Variants in AUTS2 observed in about 807,000 individuals in gnomAD.
The protein encoded by AUTS2 is activator of transcription and developmental regulator AUTS2.
AUTS2 carries 17 observed loss-of-function variants against 112.4 expected under a neutral mutation model. The observed-to-expected ratio is 0.15, with a 90% CI of 0.10 to 0.23. The LOEUF is 0.23. Ranked by LOEUF, AUTS2 falls within the 10% of genes least tolerant of loss-of-function variation. The pLI is 1.00. For missense variants in AUTS2, 1,510 were observed against 1,701.6 expected (o/e 0.89, Z 1.98); for synonymous variants, 751 against 702.7 (o/e 1.07, Z -1.09).
intron 5 of AUTS2, among the ~76,000 whole-genome samples, chr7:70,664,880 G>C (rs1178153174): frequency 1.3e-5 from 2 of 152,088 alleles, no homozygotes; most frequent in Non-Finnish European, 2.9e-5. Flanking sequence ...AGGCCAGCCT[G>C]GGCAACATAG....
intron 6 of AUTS2, among the ~76,000 whole-genome samples, chr7:70,738,625 C>T (rs778201728): frequency 7.9e-5 from 12 of 152,016 alleles, no homozygotes; most frequent in Non-Finnish European, 1.5e-4. Context: ...TGCCAAGGCC[C>T]ATACTGCTGG....
At chr7:70,786,152 A>G (rs1030157237) in intron 17 of AUTS2, 114 bp downstream of exon 17, 21 of 872,046 alleles carry the variant, frequency 2.4e-5, no homozygotes, top group Non-Finnish European at 3.7e-5. Context: ...GGACCAGTGT[A>G]GGTTATATCA....
chr7:70,749,758 C>T (rs1420932066), intron 6 of AUTS2, among the ~76,000 whole-genome samples: 2 of 152,184 alleles, frequency 1.3e-5, no homozygotes, highest in African/African-American at 4.8e-5. Context: ...GGAGTACAAA[C>T]AGGCATGTCT....
chr7:70,724,334 A>G (rs1786881742), intron 6 of AUTS2, among the ~76,000 whole-genome samples: 1 of 152,150 alleles, frequency 6.6e-6, no homozygotes, highest in Non-Finnish European at 1.5e-5. Context: ...TACAAAACTA[A>G]TATTATAACT....
At chr7:70,523,206 G>A (rs1231073810) in intron 5 of AUTS2, among the ~76,000 whole-genome samples, 1 of 152,184 alleles carries the variant, frequency 6.6e-6, no homozygotes, top group Non-Finnish European at 1.5e-5. Context: ...AGTTCTGTGT[G>A]GGGCTAAGGT....
chr7:70,739,672 A>G (rs1205238291), intron 6 of AUTS2, among the ~76,000 whole-genome samples: 1 of 152,008 alleles, frequency 6.6e-6, no homozygotes, highest in Admixed American at 6.5e-5. Context: ...TGTGATCTGT[A>G]CTCAGCCATT....
chr7:69,753,101 T>C (rs1344210986), intron 1 of AUTS2, among the ~76,000 whole-genome samples: 1 of 152,208 alleles, frequency 6.6e-6, no homozygotes, highest in East Asian at 1.9e-4. Context: ...TCAGTTTTTA[T>C]AATTATAAAA....
Position 70,110,758 on chromosome 7 carries a change from A to G in AUTS2, c.523-7374A>G, listed in dbSNP as rs113228578. 1.6e-3 allele frequency among the ~76,000 whole-genome samples: 243 copies of G among 152,242 alleles called. 6 individuals carry two copies. The highest frequency in any genetic ancestry group is 5.5e-3 in the African/African-American group (228 of 41,556). The stretch of plus-strand genomic sequence containing the variant: ...ACTTTCCAAAGTCCAAACATATCCA[A>G]AAATCCTGTTTCTTACTTTGCATTA... On this transcript the variant is annotated intron_variant, in intron 2 of 18. Coordinates refer to ENST00000342771, the MANE Select transcript of AUTS2 (RefSeq NM_015570.4).
At chr7:69,868,692 T>G (rs1793347628) in intron 1 of AUTS2, among the ~76,000 whole-genome samples, 1 of 152,210 alleles carries the variant, frequency 6.6e-6, no homozygotes, top group African/African-American at 2.4e-5. Flanking sequence ...GAGAGAACAG[T>G]GATGATTTGT....
chr7:69,937,681 T>C (rs1302944578), intron 2 of AUTS2, among the ~76,000 whole-genome samples: 1 of 152,146 alleles, frequency 6.6e-6, no homozygotes, highest in Admixed American at 6.5e-5. Context: ...TAGGCTTCTT[T>C]TTATTATTAT....
intron 4 of AUTS2, among the ~76,000 whole-genome samples, chr7:70,413,161 G>T (rs1205306653): frequency 6.6e-6 from 1 of 152,202 alleles, no homozygotes; most frequent in African/African-American, 2.4e-5. Flanking sequence ...GTTCCCAGCA[G>T]TGGTTCCAAT....
chr7:70,611,905 T>C (rs1804111578), intron 5 of AUTS2, among the ~76,000 whole-genome samples: 1 of 152,244 alleles, frequency 6.6e-6, no homozygotes, highest in Non-Finnish European at 1.5e-5. Flanking sequence ...AGTGATGTGC[T>C]GAGAGTCGTA....
intron 4 of AUTS2, among the ~76,000 whole-genome samples, chr7:70,318,497 G>A (rs1002466461): frequency 3.3e-5 from 5 of 152,042 alleles, no homozygotes; most frequent in South Asian, 2.1e-4. Flanking sequence ...GTTTTAAAAC[G>A]ATGAGCTTGA....
intron 2 of AUTS2, among the ~76,000 whole-genome samples, chr7:70,069,658 T>C (rs1334563058): frequency 1.3e-5 from 2 of 152,118 alleles, no homozygotes; most frequent in South Asian, 4.1e-4. Context: ...ATCACATTTT[T>C]TTCTTAGAGA....
At chr7:69,963,444 A>T (rs1441586638) in intron 2 of AUTS2, among the ~76,000 whole-genome samples, 1 of 152,088 alleles carries the variant, frequency 6.6e-6, no homozygotes, top group Non-Finnish European at 1.5e-5. Context: ...TCCTTATAGG[A>T]TGTCAGGCTT....
chr7:69,731,729 CGTA>C, intron 1 of AUTS2, among the ~76,000 whole-genome samples: 1 of 152,274 alleles, frequency 6.6e-6, no homozygotes, highest in South Asian at 2.1e-4. Context: ...GCATTTGTCA[CGTA>C]TCTTCATGCC....
At chr7:70,320,914 C>T (rs1302351155) in intron 4 of AUTS2, among the ~76,000 whole-genome samples, 1 of 152,122 alleles carries the variant, frequency 6.6e-6, no homozygotes, top group Admixed American at 6.5e-5. Flanking sequence ...CATCTCTCCC[C>T]AGGGATAGGA....
intron 1 of AUTS2, among the ~76,000 whole-genome samples, chr7:69,735,138 G>A (rs530229123): frequency 6.6e-6 from 1 of 152,282 alleles, no homozygotes; most frequent in Admixed American, 6.5e-5. Flanking sequence ...TATGTGAGAT[G>A]TCTTAAACAG....
Position 70,465,230 on chromosome 7 carries a change from C to A in AUTS2, c.690+29449C>A, listed in dbSNP as rs138637782. Among the ~76,000 whole-genome samples, 91 of 152,284 alleles carry A rather than the reference C, an allele frequency of 6.0e-4. 2 individuals carry two copies. In the East Asian group the frequency reaches 0.017, roughly 28 times the overall value. On this transcript the variant is annotated intron_variant, in intron 5 of 18. Transcript: ENST00000342771. ...CTGAGCAGAAAGCAGGTTGGAGGAA[C>A]CACTTGGCTCTGTGACATTTATAGT... is the stretch of plus-strand genomic sequence containing the variant.
Sources: allele counts gnomAD v4.1 joint callset (sites outside exome capture counted in the v4.1 genomes callset), GRCh38; gene constraint gnomAD v4.1.1; transcripts MANE v1.5; gene names NCBI Gene and HGNC (gene_info 2026-07-23, HGNC 2026-07-21).